Variants in BRINP3 observed in about 807,000 individuals in gnomAD.
BRINP3 encodes the protein BMP/retinoic acid inducible neural specific 3.
A neutral mutation model predicts 71.0 loss-of-function variants in BRINP3; 19 were observed. That is an observed-to-expected ratio of 0.27 (90% confidence interval 0.19 to 0.39). The LOEUF (loss-of-function observed/expected upper bound fraction) is 0.39, where lower values mean the gene tolerates loss of function less well. Among genes scored for constraint, BRINP3 ranks in the 10% least tolerant of loss-of-function variants. BRINP3 has a pLI of 1.00. For synonymous variants in BRINP3, 380 were observed against 337.7 expected (o/e 1.13, Z -1.37); for missense variants, 959 against 940.8 (o/e 1.02, Z -0.25).
chr1:190,442,455 A>C (rs778570894), intron 2 of BRINP3, among the ~76,000 whole-genome samples: 12 of 152,316 alleles, frequency 7.9e-5, no homozygotes, highest in Non-Finnish European at 1.6e-4. Context: ...ACTGTCCATC[A>C]CAATAAGGAT....
chr1:190,258,105 G>A (rs926042322), intron 4 of BRINP3, among the ~76,000 whole-genome samples: 5 of 152,226 alleles, frequency 3.3e-5, no homozygotes, highest in African/African-American at 1.2e-4. Flanking sequence ...AGTCTACAGA[G>A]GCAGTAGGCC....
At chr1:190,172,969 G>T (rs1652154383) in intron 6 of BRINP3, among the ~76,000 whole-genome samples, 1 of 152,122 alleles carries the variant, frequency 6.6e-6, no homozygotes, top group African/African-American at 2.4e-5. Flanking sequence ...TCATGACAGG[G>T]CTTTGAGATT....
chr1:190,474,207 T>C (rs1677347361), intron 1 of BRINP3, among the ~76,000 whole-genome samples: 1 of 152,224 alleles, frequency 6.6e-6, no homozygotes, highest in East Asian at 1.9e-4. Context: ...TTTAAATAAA[T>C]GCACACTAAG....
intron 7 of BRINP3, among the ~76,000 whole-genome samples, chr1:190,120,589 G>A (rs1014998521): frequency 4.6e-5 from 7 of 151,786 alleles, no homozygotes; most frequent in Non-Finnish European, 1.0e-4. Flanking sequence ...TCCGCCTCCC[G>A]GGTTCAAGCA....
chr1:190,456,349 T>G (rs1558303609), intron 1 of BRINP3, among the ~76,000 whole-genome samples: 1 of 152,212 alleles, frequency 6.6e-6, no homozygotes, highest in Non-Finnish European at 1.5e-5. Context: ...TCATATGAGT[T>G]GCTCACTGAG....
chr1:190,470,679 T>C (rs1429375370), intron 1 of BRINP3, among the ~76,000 whole-genome samples: 1 of 151,204 alleles, frequency 6.6e-6, no homozygotes, highest in Admixed American at 6.6e-5. Context: ...ATAAGATTTC[T>C]CAGTTTAGTA....
intron 2 of BRINP3, among the ~76,000 whole-genome samples, chr1:190,453,364 G>A (rs1196557827): frequency 6.6e-6 from 1 of 151,360 alleles, no homozygotes; most frequent in African/African-American, 2.4e-5. Flanking sequence ...GGGACTACAG[G>A]CGCTAGCCAC....
chr1:190,154,698 A>G (rs1426752994), intron 7 of BRINP3, among the ~76,000 whole-genome samples: 1 of 152,184 alleles, frequency 6.6e-6, no homozygotes, highest in East Asian at 1.9e-4. Context: ...TCTTCAGTAT[A>G]AATCTGCATG....
chr1:190,364,764 C>T (rs1467492462), intron 2 of BRINP3, among the ~76,000 whole-genome samples: 1 of 151,904 alleles, frequency 6.6e-6, no homozygotes, highest in Non-Finnish European at 1.5e-5. Context: ...ATAATGCTTG[C>T]AAAACTGTCT....
At chr1:190,304,459 C>T (rs903081120) in intron 2 of BRINP3, among the ~76,000 whole-genome samples, 2 of 151,726 alleles carry the variant, frequency 1.3e-5, no homozygotes, top group Non-Finnish European at 2.9e-5. Context: ...GAAGAGAGAG[C>T]TCAGAAATAA....
intron 2 of BRINP3, among the ~76,000 whole-genome samples, chr1:190,303,752 C>A (rs1664893708): frequency 6.6e-6 from 1 of 151,656 alleles, no homozygotes; most frequent in Admixed American, 6.6e-5. Context: ...TTGGCTCAGT[C>A]TCAATATTCA....
chr1:190,470,488 A>G (rs987909385), intron 1 of BRINP3, among the ~76,000 whole-genome samples: 2 of 151,130 alleles, frequency 1.3e-5, no homozygotes, highest in Non-Finnish European at 3.0e-5. Context: ...GTGCTTTTAA[A>G]GGCAACCACA....
chr1:190,351,845 T>A, intron 2 of BRINP3, among the ~76,000 whole-genome samples: 1 of 152,100 alleles, frequency 6.6e-6, no homozygotes. Flanking sequence ...AACAAATCAG[T>A]ATAAGTAATT....
At chr1:190,226,055 A>T (rs1239597953) in intron 6 of BRINP3, 27 bp downstream of exon 6, 1 of 1,369,034 alleles carries the variant, frequency 7.3e-7, no homozygotes, top group East Asian at 2.5e-5. Flanking sequence ...AATATTTAAA[A>T]GTGTTATATT....
chr1:190,319,323 T>C (rs926147136), intron 2 of BRINP3, among the ~76,000 whole-genome samples: 1 of 152,094 alleles, frequency 6.6e-6, no homozygotes, highest in African/African-American at 2.4e-5. Flanking sequence ...CTGGCCTCAT[T>C]TTGGGTTTTG....
At chr1:190,274,394 A>G (rs1266737249) in intron 3 of BRINP3, among the ~76,000 whole-genome samples, 1 of 151,540 alleles carries the variant, frequency 6.6e-6, no homozygotes, top group Non-Finnish European at 1.5e-5. Context: ...TTTATGGCAG[A>G]TGTCTTCCCG....
chr1:190,310,021 C>A (rs1287238919), intron 2 of BRINP3, among the ~76,000 whole-genome samples: 1 of 151,418 alleles, frequency 6.6e-6, no homozygotes, highest in East Asian at 1.9e-4. Context: ...CTACAATGGC[C>A]AATCTCTAGT....
chr1:190,228,583 A>G (rs1657628728), intron 5 of BRINP3, among the ~76,000 whole-genome samples: 1 of 151,960 alleles, frequency 6.6e-6, no homozygotes, highest in Admixed American at 6.6e-5. Context: ...GATGATACAT[A>G]CATACACTGC....
intron 6 of BRINP3, among the ~76,000 whole-genome samples, chr1:190,203,804 TATATATATATAA>T (rs1558062039): frequency 8.8e-5 from 4 of 45,440 alleles, no homozygotes; most frequent in Non-Finnish European, 1.3e-4. Flanking sequence ...TATATATATA[TATATATATATAA>T]ATGAAAACAA....
Sources: gnomAD v4.1 joint callset for allele counts (sites outside exome capture counted in the v4.1 genomes callset) on GRCh38, gnomAD v4.1.1 for gene constraint, MANE v1.5 for transcripts, NCBI Gene and HGNC (gene_info 2026-07-23, HGNC 2026-07-21) for gene names.